The following LRTM1 variants were observed in gnomAD, a reference collection of about 807,000 sequenced individuals.
LRTM1 encodes leucine rich repeat transmembrane protein 1, also known as leucine-rich repeat and transmembrane domain-containing protein 1.
In LRTM1, 38 loss-of-function variants were observed where a neutral mutation model predicts 32.4. That is an observed-to-expected ratio of 1.17 (90% CI 0.91 to 1.54). The LOEUF (loss-of-function observed/expected upper bound fraction) is 1.54, where lower values mean the gene tolerates loss of function less well. Among genes scored for constraint, LRTM1 ranks in the 40% most tolerant of loss-of-function variants. LRTM1 has a pLI of 0.00. For synonymous variants in LRTM1, 186 were observed against 169.9 expected (o/e 1.09, Z -0.74); for missense variants, 466 against 415.4 (o/e 1.12, Z -1.06).
At chr3:54,932,956 T>G (rs1197251090), upstream of LRTM1, among the ~76,000 whole-genome samples, 1 of 152,164 alleles carries the variant, frequency 6.6e-6, no homozygotes, top group Non-Finnish European at 1.5e-5. Context: ...GAAAATAGTT[T>G]CCTAGGAATT....
At chr3:54,932,407 A>C (rs1411223795), upstream of LRTM1, among the ~76,000 whole-genome samples, 1 of 152,172 alleles carries the variant, frequency 6.6e-6, no homozygotes, top group East Asian at 1.9e-4. Context: ...CCAAACTGAT[A>C]ATGCTGATTA....
At chr3:54,944,701 G>T (rs957023211) in intron 1 of LRTM1, among the ~76,000 whole-genome samples, 1 of 151,882 alleles carries the variant, frequency 6.6e-6, no homozygotes, top group African/African-American at 2.4e-5. Flanking sequence ...GATTACAGGC[G>T]TGAGCCACCG....
intron 1 of LRTM1, among the ~76,000 whole-genome samples, chr3:54,942,706 T>C (rs1018024055): frequency 6.6e-6 from 1 of 151,198 alleles, no homozygotes; most frequent in Non-Finnish European, 1.5e-5. Flanking sequence ...CTGGGCAACA[T>C]AGCGAGGCTC....
chr3:54,947,794 A>C (rs1701652208), intron 1 of LRTM1, among the ~76,000 whole-genome samples: 1 of 152,140 alleles, frequency 6.6e-6, no homozygotes, highest in East Asian at 1.9e-4. Flanking sequence ...AAGCTTTTAT[A>C]ATCATTGCAA....
chr3:54,926,027 T>A (rs1052984191), intron 1 of LRTM1, among the ~76,000 whole-genome samples: 1 of 152,190 alleles, frequency 6.6e-6, no homozygotes, highest in African/African-American at 2.4e-5. Context: ...CTTCCTTGAT[T>A]CTTTTTTCTT....
At chr3:54,933,422 C>G (rs1701254771) in intron 1 of LRTM1, among the ~76,000 whole-genome samples, 1 of 152,136 alleles carries the variant, frequency 6.6e-6, no homozygotes, top group African/African-American at 2.4e-5. Flanking sequence ...TGGCTGTGAC[C>G]TCTTCTTGGC....
Position 54,927,885 on chromosome 3 carries a change from G to A in LRTM1, c.7+20C>T, listed in dbSNP as rs540817362. ...TCTCCCAGACAAGAACTTTTCCAAC[G>A]GGAATTGATCAGGGCTCACCTTTCA... On this transcript the variant is annotated intron_variant, in intron 1 of 2. Coordinates refer to ENST00000273286, the MANE Select transcript of LRTM1 (RefSeq NM_020678.4). 3 of 1,613,418 alleles carry A rather than the reference G, an allele frequency of 1.9e-6. No individual in the cohort carries two copies. The highest frequency in any genetic ancestry group is 1.3e-5 in the African/African-American group (1 of 74,978).
intron 1 of LRTM1, among the ~76,000 whole-genome samples, chr3:54,953,347 A>G (rs1468066303): frequency 6.6e-6 from 1 of 152,208 alleles, no homozygotes; most frequent in Non-Finnish European, 1.5e-5. Context: ...AAGCAGACAC[A>G]GATAGTAACT....
chr3:54,933,702 A>G (rs999877791), intron 1 of LRTM1, among the ~76,000 whole-genome samples: 3 of 152,130 alleles, frequency 2.0e-5, no homozygotes, highest in African/African-American at 7.2e-5. Flanking sequence ...TACTTTCTTC[A>G]AAACCCACTT....
chr3:54,936,062 T>C (rs538068530), intron 1 of LRTM1, among the ~76,000 whole-genome samples: 1 of 152,260 alleles, frequency 6.6e-6, no homozygotes, highest in East Asian at 1.9e-4. Flanking sequence ...TTGAATGAGT[T>C]ACTTAACCTC....
chr3:54,937,977 A>G (rs1446425324), intron 1 of LRTM1, among the ~76,000 whole-genome samples: 4 of 152,188 alleles, frequency 2.6e-5, no homozygotes, highest in Non-Finnish European at 5.9e-5. Flanking sequence ...AACCAGAGAA[A>G]AGCCCCTTGC....
chr3:54,919,345 G>T (rs1306079783), intron 2 of LRTM1, among the ~76,000 whole-genome samples: 1 of 152,212 alleles, frequency 6.6e-6, no homozygotes, highest in Admixed American at 6.5e-5. Flanking sequence ...GTGATGTTAT[G>T]TGTTTATTAC....
At chr3:54,929,981 A>G (rs574451842), upstream of LRTM1, among the ~76,000 whole-genome samples, 155 of 152,270 alleles carry the variant, frequency 1.0e-3, no homozygotes, top group Non-Finnish European at 1.7e-3. Context: ...GGGGTCAGAA[A>G]CATTTTTTTG....
At position 54,924,836 on chromosome 3, in the gene LRTM1, C is replaced by T. The variant is rs1425227887; in HGVS notation, c.387G>A (p.Leu129=). 2 of 1,613,926 alleles carry T rather than the reference C, an allele frequency of 1.2e-6. No individual in the cohort carries two copies. Among genetic ancestry groups the T allele is most frequent in the Admixed American group, 1.7e-5 (1 of 60,008 alleles). ...GAAGGTGGCTTATGTTGTTTGATGA[C>T]AAATCAAGCTCCCTCAGCTGAGGGA... ...HSLPQLRELD[L]SSNNISHLPT... Residue 129 remains leucine, a synonymous_variant, in exon 2 of 3, where the codon TTG becomes TTA. Transcript: ENST00000273286.
chr3:54,924,839 A>G lies in LRTM1; in HGVS notation c.384T>C (p.Asp128=), dbSNP rs768453952. The G allele has an allele frequency of 1.9e-6, 3 of 1,613,832 alleles. No individual in the cohort carries two copies. In the African/African-American group the frequency reaches 4.0e-5, roughly 22 times the overall value. ...FHSLPQLREL[D]LSSNNISHLP... Reference sequence around the variant, plus strand: ...GGTGGCTTATGTTGTTTGATGACAAATCAAGCTCCCTCAGCTGAGGGAGGG... The same window carrying G: ...GGTGGCTTATGTTGTTTGATGACAAGTCAAGCTCCCTCAGCTGAGGGAGGG... The change falls in exon 2 of 3, where the codon GAT becomes GAC. Residue 128 remains aspartate (D), a synonymous_variant. Transcript: ENST00000273286.
At chr3:54,953,351 A>G (rs1701804196) in intron 1 of LRTM1, among the ~76,000 whole-genome samples, 1 of 152,200 alleles carries the variant, frequency 6.6e-6, no homozygotes, top group Non-Finnish European at 1.5e-5. Flanking sequence ...AGACACAGAT[A>G]GTAACTAAGA....
chr3:54,950,773 C>T (rs998943046), intron 1 of LRTM1, among the ~76,000 whole-genome samples: 2 of 152,212 alleles, frequency 1.3e-5, no homozygotes, highest in East Asian at 3.9e-4. Flanking sequence ...TATCTTGCAC[C>T]TTGATCGGGG....
rs1250171142 is a variant in LRTM1 at position 54,950,169 on chromosome 3, C to T, written c.-222+16759G>A. Among the ~76,000 whole-genome samples, 4 of 152,178 alleles carry T rather than the reference C, an allele frequency of 2.6e-5. No homozygotes were observed. The East Asian group carries it at 5.8e-4, about 22-fold the overall frequency. On this transcript the variant is annotated intron_variant, in intron 1 of 2. Transcript: ENST00000493075. ...AGTAGGGAACTGGGAGAACTATTTC[C>T]ATACAGCCGAGGTAGCTTTCTTGTT...
intron 1 of LRTM1, among the ~76,000 whole-genome samples, chr3:54,951,845 C>A (rs1701765379): frequency 1.3e-5 from 2 of 152,106 alleles, no homozygotes; most frequent in Admixed American, 1.3e-4. Flanking sequence ...ACCAGCCATG[C>A]TTGTTATTTT....
Sources: allele counts gnomAD v4.1 joint callset (sites outside exome capture counted in the v4.1 genomes callset), GRCh38; gene constraint gnomAD v4.1.1; transcripts MANE v1.5; gene names NCBI Gene and HGNC (gene_info 2026-07-23, HGNC 2026-07-21).